The following RIMS4 variants were observed in gnomAD, a reference collection of about 807,000 sequenced individuals.
RIMS4 encodes regulating synaptic membrane exocytosis protein 4.
A neutral mutation model predicts 29.0 loss-of-function variants in RIMS4; 9 were observed. That is an observed-to-expected ratio of 0.31 (90% confidence interval 0.19 to 0.54). The LOEUF is 0.54. Ranked by LOEUF, RIMS4 falls within the 20% of genes least tolerant of loss-of-function variation. RIMS4 has a pLI of 0.94. For missense variants in RIMS4, 193 were observed against 365.7 expected (o/e 0.53, Z 3.85); for synonymous variants, 130 against 152.9 (o/e 0.85, Z 1.10).
chr20:44,778,987 C>A (rs550204281), intron 1 of RIMS4, among the ~76,000 whole-genome samples: 1 of 152,316 alleles, frequency 6.6e-6, no homozygotes, highest in Non-Finnish European at 1.5e-5. Flanking sequence ...CTGAACACAC[C>A]ATCCCTTTGA....
At chr20:44,798,916 T>C (rs1193142416) in intron 1 of RIMS4, among the ~76,000 whole-genome samples, 1 of 152,228 alleles carries the variant, frequency 6.6e-6, no homozygotes, top group Non-Finnish European at 1.5e-5. Flanking sequence ...GCTAAGACAG[T>C]GGAAACAGGA....
intron 1 of RIMS4, among the ~76,000 whole-genome samples, chr20:44,793,389 G>T (rs1232572347): frequency 6.6e-6 from 1 of 152,212 alleles, no homozygotes; most frequent in African/African-American, 2.4e-5. Flanking sequence ...AAGTGCCACA[G>T]ATGAATGCGG....
chr20:44,784,245 G>A lies in RIMS4; in HGVS notation c.98-12832C>T, dbSNP rs145609511. 2.1e-3 allele frequency among the ~76,000 whole-genome samples: 313 copies of A among 152,268 alleles called. 3 individuals are homozygous for A. Among genetic ancestry groups the A allele is most frequent in the African/African-American group, 7.2e-3 (299 of 41,548 alleles). On this transcript the variant is annotated intron_variant, in intron 1 of 5. Transcript: ENST00000372851. ...GGCCCACGGATGAAAACGTGCAGTG[G>A]GTACATGGGAAGCAGAGATGTAGGG...
chr20:44,779,781 G>A (rs1240576996), intron 1 of RIMS4, among the ~76,000 whole-genome samples: 1 of 152,138 alleles, frequency 6.6e-6, no homozygotes, highest in Non-Finnish European at 1.5e-5. Context: ...TGCAGCTGCT[G>A]GGTTACAGGG....
At position 44,756,277 on chromosome 20, in the gene RIMS4, GC is replaced by G; in HGVS notation, c.666del (p.Glu222AspfsTer4). The G allele has an allele frequency of 6.2e-7, 1 of 1,613,968 alleles. No homozygotes were observed. Among genetic ancestry groups the G allele is most frequent in the Non-Finnish European group, 8.5e-7 (1 of 1,179,994 alleles). ...FMGVARVLLE[E>X]LDLTTLAVGW... ...CCCACGGCCAGGGTGGTCAAGTCCAGCTCCTCCAGCAGCACGCGAGCCACAC... is the reference window on the plus strand; with the variant it reads ...CCCACGGCCAGGGTGGTCAAGTCCAGTCCTCCAGCAGCACGCGAGCCACAC... On this transcript the variant is annotated frameshift_variant, in exon 6 of 6. Coordinates refer to ENST00000372851, the MANE Select transcript of RIMS4 (RefSeq NM_182970.4). LOFTEE classifies it high-confidence loss of function. This position sits in a 1 kb window ranked among gnomAD's most constrained non-coding sequence, Gnocchi z 5.9.
intron 1 of RIMS4, among the ~76,000 whole-genome samples, chr20:44,790,646 A>G (rs1478229670): frequency 6.6e-6 from 1 of 152,222 alleles, no homozygotes; most frequent in African/African-American, 2.4e-5. Context: ...GGTGCTCACT[A>G]AACATCTGCA....
chr20:44,761,390 C>T (rs773823472), intron 2 of RIMS4, among the ~76,000 whole-genome samples: 2 of 152,208 alleles, frequency 1.3e-5, no homozygotes, highest in Non-Finnish European at 2.9e-5. Context: ...GCCACTAGGT[C>T]TGAGGGCTTA....
intron 1 of RIMS4, among the ~76,000 whole-genome samples, chr20:44,775,892 G>T (rs898252287): frequency 2.0e-5 from 3 of 152,224 alleles, no homozygotes; most frequent in Admixed American, 6.5e-5. Context: ...ATGCTTCTAT[G>T]TCATTTGAAT....
chr20:44,780,891 T>C (rs2066181506), intron 1 of RIMS4, among the ~76,000 whole-genome samples: 1 of 152,066 alleles, frequency 6.6e-6, no homozygotes, highest in Non-Finnish European at 1.5e-5. Context: ...TGATAAGGAT[T>C]TGAGAACCCT....
intron 1 of RIMS4, among the ~76,000 whole-genome samples, chr20:44,802,561 G>T (rs774449575): frequency 6.6e-6 from 1 of 152,118 alleles, no homozygotes; most frequent in African/African-American, 2.4e-5. Flanking sequence ...AGGCAGGCAG[G>T]GTGAGCAGAA....
intron 1 of RIMS4, among the ~76,000 whole-genome samples, chr20:44,775,127 T>C (rs1307027941): frequency 6.6e-6 from 1 of 152,082 alleles, no homozygotes; most frequent in Non-Finnish European, 1.5e-5. Flanking sequence ...TGGAAGCCCC[T>C]GAGATGTTAA....
intron 1 of RIMS4, among the ~76,000 whole-genome samples, chr20:44,789,160 G>A (rs542921249): frequency 2.0e-5 from 3 of 151,768 alleles, no homozygotes; most frequent in East Asian, 1.9e-4. Context: ...AAAAGGGAGA[G>A]GGTGGTTTAA....
rs1233888580 is a variant in RIMS4 at position 44,810,513 on chromosome 20, C to CGGTGGCGGCGGCGGT, written c.-257_-243dup. 1.4e-5 allele frequency among the ~76,000 whole-genome samples: 2 copies of CGGTGGCGGCGGCGGT among 141,082 alleles called. No homozygotes were observed. The highest frequency in any genetic ancestry group is 7.1e-5 in the Admixed American group (1 of 14,178). The allele number at this position is 141,082 out of a possible 152,430, so 92.6% of individuals were successfully genotyped here. A position where few individuals can be genotyped will look rare whatever the true frequency, so the allele number is the denominator to read the frequency against. ...CTGCTGGCGGCGGCGGCGGCGGCGG[C>CGGTGGCGGCGGCGGT]GGTGGCGGCGGCGGTGGCGGCGCAG... On this transcript the variant is annotated 5_prime_UTR_variant, in exon 1 of 6. Coordinates refer to ENST00000372851, the MANE Select transcript of RIMS4 (RefSeq NM_182970.4).
Position 44,810,218 on chromosome 20 carries a change from G to T in RIMS4, c.54C>A (p.Ala18=), listed in dbSNP as rs1466105157. The T allele has an allele frequency of 6.3e-7, 1 of 1,583,532 alleles. No individual in the cohort carries two copies. The highest frequency in any genetic ancestry group is 8.6e-7 in the Non-Finnish European group (1 of 1,162,896). Residue 18 remains alanine (A), a synonymous_variant, in exon 1 of 6, where the codon GCC becomes GCA. Coordinates refer to ENST00000372851, the MANE Select transcript of RIMS4 (RefSeq NM_182970.4). ...LSLSASFEAL[A]IYFPCMNSFD... is the part of the protein sequence containing the mutation. ...AGGAGTTCATGCACGGGAAGTAGAT[G>T]GCGAGCGCCTCGAAGGAGGCGGACA...
chr20:44,798,816 C>T (rs552108208), intron 1 of RIMS4, among the ~76,000 whole-genome samples: 1 of 152,374 alleles, frequency 6.6e-6, no homozygotes, highest in Admixed American at 6.5e-5. Context: ...GCTTCTTCTC[C>T]TGCCCCATGC....
rs1036553737 is a variant in RIMS4 at position 44,751,836 on chromosome 20, C to T, written c.*4298G>A. 1 of 152,220 alleles carries T rather than the reference C, an allele frequency of 6.6e-6. No homozygotes were observed. The highest frequency in any genetic ancestry group is 1.5e-5 in the Non-Finnish European group (1 of 68,058). 9.4% of individuals were successfully genotyped at this position (152,220 alleles called of 1,614,324 possible). Reference sequence around the variant, plus strand: ...GAAAAGCCAAAAACTTTAATTTCAACATGAGCTACATGGTCATGAACACAA... The same window carrying T: ...GAAAAGCCAAAAACTTTAATTTCAATATGAGCTACATGGTCATGAACACAA... On this transcript the variant is annotated 3_prime_UTR_variant, in exon 6 of 6. Coordinates refer to ENST00000372851, the MANE Select transcript of RIMS4 (RefSeq NM_182970.4).
At chr20:44,779,664 G>T (rs968168961) in intron 1 of RIMS4, among the ~76,000 whole-genome samples, 2 of 152,038 alleles carry the variant, frequency 1.3e-5, no homozygotes, top group Admixed American at 1.3e-4. Flanking sequence ...CATCTGGGTG[G>T]GTAGCCTCCA....
At chr20:44,796,358 G>A (rs1394958523) in intron 1 of RIMS4, among the ~76,000 whole-genome samples, 1 of 152,178 alleles carries the variant, frequency 6.6e-6, no homozygotes. Context: ...CTTGCCTTAG[G>A]TCACCAGAAC....
chr20:44,795,583 G>A (rs2066251377), intron 1 of RIMS4, among the ~76,000 whole-genome samples: 1 of 152,024 alleles, frequency 6.6e-6, no homozygotes, highest in Non-Finnish European at 1.5e-5. Flanking sequence ...AGTGAGCCAA[G>A]ATCGTGCCAC....
Sources: gnomAD v4.1 joint callset for allele counts (sites outside exome capture counted in the v4.1 genomes callset) on GRCh38, gnomAD v4.1.1 for gene constraint, Gnocchi (gnomAD v3.1) non-coding constraint, MANE v1.5 for transcripts, NCBI Gene and HGNC (gene_info 2026-07-23, HGNC 2026-07-21) for gene names.